Variants in HPD observed in about 807,000 individuals in gnomAD.
The protein encoded by HPD is 4-hydroxyphenylpyruvic acid oxidase.
HPD carries 35 observed loss-of-function variants against 56.9 expected under a neutral mutation model. The observed-to-expected ratio is 0.62, with a 90% confidence interval of 0.47 to 0.82. The LOEUF is 0.82. HPD is among the 40% of genes least tolerant of loss of function. The pLI is 0.00. For missense variants in HPD, 442 were observed against 506.8 expected (o/e 0.87, Z 1.23); for synonymous variants, 186 against 200.2 (o/e 0.93, Z 0.60).
intron 9 of HPD, 144 bp from the exon 10 acceptor site, chr12:121,847,358 C>A (rs1417901872): frequency 1.3e-6 from 1 of 763,086 alleles, no homozygotes; most frequent in South Asian, 1.5e-5. Flanking sequence ...AGATTTAGAT[C>A]TTTTTGTTGT....
chr12:121,844,415 C>T (rs1877508125), intron 11 of HPD, among the ~76,000 whole-genome samples: 1 of 152,014 alleles, frequency 6.6e-6, no homozygotes, highest in African/African-American at 2.4e-5. Context: ...GGACTATTCT[C>T]CCATTTCATA....
chr12:121,862,985 C>CAG, upstream of HPD, among the ~76,000 whole-genome samples: 1 of 140,736 alleles, frequency 7.1e-6, no homozygotes. Flanking sequence ...CGGCACCCCC[C>CAG]CTCCTTTTTT....
intron 7 of HPD, 36 bp from the exon 8 acceptor site, chr12:121,849,826 C>A (rs757710282): frequency 7.2e-7 from 1 of 1,394,148 alleles, no homozygotes; most frequent in South Asian, 1.2e-5. Context: ...GGCCCCTGGG[C>A]ACCCATCCCC....
At chr12:121,840,314 T>G (rs896696077) in intron 12 of HPD, among the ~76,000 whole-genome samples, 6 of 152,140 alleles carry the variant, frequency 3.9e-5, no homozygotes, top group African/African-American at 1.2e-4. Flanking sequence ...TTCTTTTTCT[T>G]TTTTGAGACG....
chr12:121,848,937 G>A, intron 9 of HPD, 62 bp downstream of exon 9: 1 of 1,193,338 alleles, frequency 8.4e-7, no homozygotes, highest in Non-Finnish European at 1.3e-6. Context: ...GGACCAGGGA[G>A]TGGGCCAGTC....
chr12:121,839,917 G>A lies in HPD; in HGVS notation c.1071+15C>T. 1.9e-6 allele frequency: 3 copies of A among 1,609,524 alleles called. No homozygotes were observed. The highest frequency in any genetic ancestry group is 2.6e-6 in the Non-Finnish European group (3 of 1,175,794). ...AGCTGCCTGTCCCCTCGGGCCTGCC[G>A]GGGACAAGCAGTACCTGGTGGTTGT... On this transcript the variant is annotated intron_variant, in intron 13 of 13. Transcript: ENST00000289004.
chr12:121,884,151 C>A, the HPD span, among the ~76,000 whole-genome samples: 2 of 149,326 alleles, frequency 1.3e-5, no homozygotes, highest in Non-Finnish European at 3.0e-5. Context: ...TGCATTTAGT[C>A]ATCGTTTCTC....
chr12:121,858,551 C>G (rs1363882534), intron 2 of HPD, 136 bp downstream of exon 2: 1 of 905,844 alleles, frequency 1.1e-6, no homozygotes, highest in African/African-American at 1.6e-5. Flanking sequence ...GGGGGTAAAG[C>G]TGAGTGTGCA....
chr12:121,873,808 T>A, the HPD span, among the ~76,000 whole-genome samples: 1 of 96,192 alleles, frequency 1.0e-5, no homozygotes, highest in Middle Eastern at 5.4e-3. Context: ...AGACAGAGAC[T>A]CCGTCTCAAA....
chr12:121,880,796 CTTA>C, the HPD span, among the ~76,000 whole-genome samples: 1 of 152,048 alleles, frequency 6.6e-6, no homozygotes, highest in East Asian at 1.9e-4. Flanking sequence ...CAGGCAGTAT[CTTA>C]TTATTGTTAT....
At chr12:121,854,025 G>A (rs1235501044) in intron 7 of HPD, among the ~76,000 whole-genome samples, 3 of 152,164 alleles carry the variant, frequency 2.0e-5, no homozygotes, top group African/African-American at 7.2e-5. Flanking sequence ...TGAGTTGGGC[G>A]GATCACCAGG....
At chr12:121,877,163 T>C in the HPD span, among the ~76,000 whole-genome samples, 5 of 151,416 alleles carry the variant, frequency 3.3e-5, no homozygotes, top group Admixed American at 6.6e-5. Flanking sequence ...AGTGACTACA[T>C]GTCCAGTGCT....
At chr12:121,842,032 C>T (rs1220702378) in intron 12 of HPD, among the ~76,000 whole-genome samples, 1 of 150,130 alleles carries the variant, frequency 6.7e-6, no homozygotes, top group African/African-American at 2.5e-5. Context: ...TCTATAGAGA[C>T]TGAAGGTAGA....
chr12:121,860,888 A>G (rs574592414), upstream of HPD, among the ~76,000 whole-genome samples: 1 of 152,166 alleles, frequency 6.6e-6, no homozygotes, highest in East Asian at 1.9e-4. Context: ...CCTGGGGAAC[A>G]GGGTGAGAAC....
At chr12:121,877,695 T>G in the HPD span, among the ~76,000 whole-genome samples, 1 of 152,032 alleles carries the variant, frequency 6.6e-6, no homozygotes, top group Non-Finnish European at 1.5e-5. Flanking sequence ...ATCGTGCCAC[T>G]GCGCTCCAGC....
At chr12:121,885,537 T>C in the HPD span, among the ~76,000 whole-genome samples, 4 of 151,658 alleles carry the variant, frequency 2.6e-5, no homozygotes, top group Non-Finnish European at 5.9e-5. Context: ...TGAAAGTAAA[T>C]TGCCTCTCTT....
upstream of HPD, among the ~76,000 whole-genome samples, chr12:121,864,108 T>C (rs955151826): frequency 6.8e-6 from 1 of 146,960 alleles, no homozygotes; most frequent in South Asian, 2.1e-4. Context: ...TAGCTGGGCA[T>C]GGTGGTACAC....
At chr12:121,873,619 C>A in the HPD span, among the ~76,000 whole-genome samples, 1 of 151,588 alleles carries the variant, frequency 6.6e-6, no homozygotes, top group Non-Finnish European at 1.5e-5. Context: ...GAGATCGAGA[C>A]CATCCTGGAT....
intron 7 of HPD, among the ~76,000 whole-genome samples, chr12:121,851,687 A>T (rs1877778762): frequency 2.2e-5 from 2 of 92,452 alleles, no homozygotes; most frequent in Admixed American, 2.2e-4. Context: ...TTATTCATTT[A>T]TTTATTTATT....
Sources: gnomAD v4.1 joint callset for allele counts (sites outside exome capture counted in the v4.1 genomes callset) on GRCh38, gnomAD v4.1.1 for gene constraint, MANE v1.5 for transcripts, NCBI Gene and HGNC (gene_info 2026-07-23, HGNC 2026-07-21) for gene names.